The following CEP85L variants were observed in gnomAD, a reference collection of about 807,000 sequenced individuals.
CEP85L encodes the protein centrosomal protein 85L.
Under a neutral mutation model 100.3 loss-of-function variants are expected in CEP85L, and 60 were observed. The ratio of observed to expected loss-of-function variants is 0.60; its 90% CI spans 0.49 to 0.74. CEP85L has a LOEUF of 0.74. Among genes scored for constraint, CEP85L ranks in the 30% least tolerant of loss-of-function variants. The probability of loss-of-function intolerance (pLI) is 0.00; values close to 1 mark genes in which losing one functional copy is unlikely to be tolerated. For synonymous variants in CEP85L, 319 were observed against 322.7 expected, an observed-to-expected ratio of 0.99 and a Z score of 0.12; for missense variants, 973 against 936.2, an observed-to-expected ratio of 1.04 and a Z score of -0.51.
At chr6:118,684,619 C>T (rs1279968708) in intron 1 of CEP85L, among the ~76,000 whole-genome samples, 3 of 152,140 alleles carry the variant, frequency 2.0e-5, no homozygotes, top group East Asian at 3.8e-4. Context: ...GAAAGCTCAG[C>T]GTTGCTTCTT....
intron 2 of CEP85L, among the ~76,000 whole-genome samples, chr6:118,575,066 G>A (rs571746335): frequency 1.3e-5 from 2 of 152,166 alleles, no homozygotes; most frequent in South Asian, 2.1e-4. Flanking sequence ...CAAGAAACTC[G>A]AGTTGAGCCG....
At chr6:118,670,463 T>C (rs1286574173) in intron 1 of CEP85L, among the ~76,000 whole-genome samples, 1 of 152,048 alleles carries the variant, frequency 6.6e-6, no homozygotes, top group Non-Finnish European at 1.5e-5. Flanking sequence ...TGTTCCCTTC[T>C]TTGTGGCCAC....
At chr6:118,685,608 G>T (rs192393544) in intron 1 of CEP85L, among the ~76,000 whole-genome samples, 1 of 152,302 alleles carries the variant, frequency 6.6e-6, no homozygotes, top group East Asian at 1.9e-4. Context: ...TTTTGAGGAT[G>T]TTCTTGAGAA....
intron 2 of CEP85L, among the ~76,000 whole-genome samples, chr6:118,576,166 C>A: frequency 6.6e-6 from 1 of 152,204 alleles, no homozygotes; most frequent in East Asian, 1.9e-4. Flanking sequence ...TTACCATGGA[C>A]AAGATGCCTT....
intron 3 of CEP85L, among the ~76,000 whole-genome samples, chr6:118,557,979 T>TC (rs1305110420): frequency 1.3e-5 from 2 of 151,796 alleles, no homozygotes; most frequent in African/African-American, 4.8e-5. Context: ...TTTTTTTTTT[T>TC]CCTGGGACAG....
intron 5 of CEP85L, among the ~76,000 whole-genome samples, chr6:118,508,697 T>C (rs1775799627): frequency 6.6e-6 from 1 of 152,098 alleles, no homozygotes; most frequent in Non-Finnish European, 1.5e-5. Flanking sequence ...TTAAAAATGT[T>C]ACTTTTATTT....
intron 5 of CEP85L, among the ~76,000 whole-genome samples, chr6:118,505,953 A>G (rs910141633): frequency 6.6e-6 from 1 of 152,176 alleles, no homozygotes; most frequent in Admixed American, 6.5e-5. Flanking sequence ...GGTACAAAAC[A>G]TTGATAGTGG....
upstream of CEP85L, among the ~76,000 whole-genome samples, chr6:118,653,150 G>A (rs572576804): frequency 2.6e-5 from 4 of 152,006 alleles, no homozygotes; most frequent in Non-Finnish European, 4.4e-5. Flanking sequence ...AAAGAAAATC[G>A]TTTACTCGGG....
chr6:118,621,442 C>T (rs1309984581), intron 2 of CEP85L, among the ~76,000 whole-genome samples: 2 of 152,272 alleles, frequency 1.3e-5, no homozygotes, highest in South Asian at 4.1e-4. Context: ...CCACACATCC[C>T]GACTTTCGTG....
intron 1 of CEP85L, among the ~76,000 whole-genome samples, chr6:118,642,023 T>C (rs1446820885): frequency 6.6e-6 from 1 of 152,090 alleles, no homozygotes; most frequent in Non-Finnish European, 1.5e-5. Flanking sequence ...ATTTTTAAAA[T>C]ATATCAACTG....
At chr6:118,644,248 T>C (rs973873705) in intron 1 of CEP85L, among the ~76,000 whole-genome samples, 2 of 152,126 alleles carry the variant, frequency 1.3e-5, no homozygotes, top group African/African-American at 2.4e-5. Flanking sequence ...ACCAGAACAC[T>C]TCATTGTCCT....
intron 3 of CEP85L, among the ~76,000 whole-genome samples, chr6:118,534,377 G>A (rs565316213): frequency 6.6e-6 from 1 of 152,238 alleles, no homozygotes; most frequent in African/African-American, 2.4e-5. Flanking sequence ...AACTGGCCAG[G>A]TGCGGTGGCT....
chr6:118,476,179 AT>A (rs1479742241), intron 10 of CEP85L, among the ~76,000 whole-genome samples: 1 of 151,972 alleles, frequency 6.6e-6, no homozygotes, highest in Non-Finnish European at 1.5e-5. Flanking sequence ...CCTTTTACAC[AT>A]TTTTTGACAT....
chr6:118,648,929 A>G (rs1331433869), intron 1 of CEP85L, among the ~76,000 whole-genome samples: 1 of 152,154 alleles, frequency 6.6e-6, no homozygotes, highest in Non-Finnish European at 1.5e-5. Context: ...TTTTCAGACA[A>G]GTCCAATTTT....
chr6:118,585,191 T>C (rs143461480), intron 2 of CEP85L, among the ~76,000 whole-genome samples: 36 of 152,250 alleles, frequency 2.4e-4, no homozygotes, highest in South Asian at 8.3e-4. Flanking sequence ...ACAGAAGCAA[T>C]TGAATTAAGC....
chr6:118,485,458 T>C (rs867519209), intron 6 of CEP85L, among the ~76,000 whole-genome samples: 4 of 152,234 alleles, frequency 2.6e-5, no homozygotes, highest in Middle Eastern at 3.2e-3. Flanking sequence ...TAGGATCTAC[T>C]TATGACCTCT....
intron 3 of CEP85L, among the ~76,000 whole-genome samples, chr6:118,553,635 T>C (rs1778679925): frequency 6.6e-6 from 1 of 152,222 alleles, no homozygotes; most frequent in African/African-American, 2.4e-5. Context: ...CAGGATACTA[T>C]TTTTGGTCAT....
chr6:118,461,328 G>A lies in CEP85L; in HGVS notation c.*4077C>T, dbSNP rs1772220697. ...TCCAGCTCACTACACAGGGAAGGCT[G>A]GGCTCCAAAGACATCTATCTGATAA... On this transcript the variant is annotated 3_prime_UTR_variant, in exon 13 of 13. Transcript: ENST00000368491. The A allele has an allele frequency of 6.6e-6, 1 of 151,802 alleles. No homozygotes were observed. The highest frequency in any genetic ancestry group is 2.4e-5 in the African/African-American group (1 of 41,346). 9.4% of individuals were successfully genotyped at this position (151,802 alleles called of 1,614,324 possible).
chr6:118,483,421 T>G (rs1236270823), intron 7 of CEP85L, among the ~76,000 whole-genome samples: 2 of 151,812 alleles, frequency 1.3e-5, no homozygotes, highest in Non-Finnish European at 2.9e-5. Context: ...GAACTGGGGG[T>G]GTGTGCATGC....
Sources: gnomAD v4.1 joint callset for allele counts (sites outside exome capture counted in the v4.1 genomes callset) on GRCh38, gnomAD v4.1.1 for gene constraint, MANE v1.5 for transcripts, NCBI Gene and HGNC (gene_info 2026-07-23, HGNC 2026-07-21) for gene names.